Variants in PPM1E observed in about 807,000 individuals in gnomAD.
PPM1E encodes protein phosphatase, Mg2+/Mn2+ dependent 1E.
Under a neutral mutation model 65.9 loss-of-function variants are expected in PPM1E, and 20 were observed. That is an observed-to-expected ratio of 0.30 (90% confidence interval 0.21 to 0.44). The LOEUF is 0.44. Among genes scored for constraint, PPM1E ranks in the 20% least tolerant of loss-of-function variants. The probability of loss-of-function intolerance (pLI) is 1.00; values close to 1 mark genes in which losing one functional copy is unlikely to be tolerated. For synonymous variants in PPM1E, 352 were observed against 374.9 expected (o/e 0.94, Z 0.70); for missense variants, 713 against 953.1 (o/e 0.75, Z 3.32).
chr17:58,808,758 C>T (rs2050338365), intron 1 of PPM1E, among the ~76,000 whole-genome samples: 1 of 151,974 alleles, frequency 6.6e-6, no homozygotes. Context: ...ATTTCTGTCA[C>T]CCTAAAAAGA....
chr17:58,780,131 G>A (rs1390157306), intron 1 of PPM1E, among the ~76,000 whole-genome samples: 2 of 152,182 alleles, frequency 1.3e-5, no homozygotes, highest in African/African-American at 4.8e-5. Context: ...GAAATATAGG[G>A]TATGCATGCT....
chr17:58,879,402 CT>C, intron 1 of PPM1E, among the ~76,000 whole-genome samples: 1 of 150,212 alleles, frequency 6.7e-6, no homozygotes, highest in East Asian at 1.9e-4. Flanking sequence ...GTGTGTACCA[CT>C]GTGCTTGGCC....
At position 58,854,430 on chromosome 17, in the gene PPM1E, G is replaced by A. The variant is rs554207199; in HGVS notation, c.464+97969G>A. Reference sequence around the variant, plus strand: ...TTTTCTTGCCTAATTTCTCTGACTAGTACTTCTAGCACTCTGTAGAATAGA... The same window carrying A: ...TTTTCTTGCCTAATTTCTCTGACTAATACTTCTAGCACTCTGTAGAATAGA... On this transcript the variant is annotated intron_variant, in intron 1 of 6. Coordinates refer to ENST00000308249, the MANE Select transcript of PPM1E (RefSeq NM_014906.5). 9.2e-5 allele frequency among the ~76,000 whole-genome samples: 14 copies of A among 152,212 alleles called. No individual in the cohort carries two copies. In the East Asian group the frequency reaches 2.5e-3, roughly 27 times the overall value.
intron 1 of PPM1E, among the ~76,000 whole-genome samples, chr17:58,918,217 G>A (rs1298774724): frequency 6.6e-6 from 1 of 152,206 alleles, no homozygotes; most frequent in African/African-American, 2.4e-5. Flanking sequence ...AAAAGAATAA[G>A]AGGGTAATTA....
At chr17:58,958,927 G>A (rs1315438840) in intron 2 of PPM1E, among the ~76,000 whole-genome samples, 1 of 151,940 alleles carries the variant, frequency 6.6e-6, no homozygotes, top group East Asian at 1.9e-4. Flanking sequence ...GGAAAAAGAA[G>A]GAAAATTTGC....
At chr17:58,977,719 G>T (rs867841320) in intron 6 of PPM1E, among the ~76,000 whole-genome samples, 2 of 152,142 alleles carry the variant, frequency 1.3e-5, no homozygotes, top group Non-Finnish European at 2.9e-5. Context: ...CCTATTTGAG[G>T]ATTAAACAGG....
intron 1 of PPM1E, among the ~76,000 whole-genome samples, chr17:58,809,608 TCC>T (rs1389201995): frequency 6.6e-6 from 1 of 152,112 alleles, no homozygotes; most frequent in Non-Finnish European, 1.5e-5. Flanking sequence ...GGTCTCAAAC[TCC>T]TGGGCTCAAG....
chr17:58,978,948 C>G (rs2143809099), intron 6 of PPM1E, among the ~76,000 whole-genome samples: 1 of 152,266 alleles, frequency 6.6e-6, no homozygotes, highest in Non-Finnish European at 1.5e-5. Context: ...GCTCCTACCC[C>G]AAGCACCCTA....
At chr17:58,968,090 C>T (rs1414914772) in intron 3 of PPM1E, among the ~76,000 whole-genome samples, 1 of 152,130 alleles carries the variant, frequency 6.6e-6, no homozygotes, top group African/African-American at 2.4e-5. Context: ...GTGTGAGCCA[C>T]CGCACCCGGC....
chr17:58,876,824 G>A (rs926933042), intron 1 of PPM1E, among the ~76,000 whole-genome samples: 6 of 151,814 alleles, frequency 4.0e-5, no homozygotes, highest in Admixed American at 1.3e-4. Flanking sequence ...GGCCCTGTCC[G>A]CCAGGCTGGA....
At chr17:58,796,686 A>G (rs762168657) in intron 1 of PPM1E, among the ~76,000 whole-genome samples, 1 of 152,240 alleles carries the variant, frequency 6.6e-6, no homozygotes, top group African/African-American at 2.4e-5. Context: ...AATTGTAGGC[A>G]TTGAACAGTG....
intron 1 of PPM1E, among the ~76,000 whole-genome samples, chr17:58,869,195 A>G (rs560211603): frequency 6.6e-6 from 1 of 152,264 alleles, no homozygotes; most frequent in Non-Finnish European, 1.5e-5. Context: ...AGTTATAGGA[A>G]GTATCATTTT....
chr17:58,851,068 G>A (rs1003790763), intron 1 of PPM1E, among the ~76,000 whole-genome samples: 9 of 151,980 alleles, frequency 5.9e-5, no homozygotes, highest in African/African-American at 7.2e-5. Context: ...TGATCAAATC[G>A]GCTACCGAAG....
chr17:58,980,009 G>C lies in PPM1E; in HGVS notation c.1246G>C (p.Ala416Pro). The part of the protein sequence containing the change: ...AEHKPYICGD[A>P]DSASTVLDGT... ...ACATAAGCCATATATCTGTGGGGAT[G>C]CAGATTCTGCCTCCACTGTTCTGGA... is the stretch of plus-strand genomic sequence containing the variant. Residue 416 changes from alanine to proline, a missense_variant, in exon 7 of 7, where the codon GCA becomes CCA. Physicochemically the swap from Ala to Pro is conservative, Grantham distance 27. Around this residue, in one of 6 missense-constraint regions of PPM1E, gnomAD observed 88 missense variants for 231.1 expected, o/e 0.38. Transcript: ENST00000308249. The surrounding 1 kb of genome is among the most constrained non-coding windows in gnomAD (Gnocchi z 4.7). 5 of 1,614,038 alleles carry C rather than the reference G, an allele frequency of 3.1e-6. No homozygotes were observed. Among genetic ancestry groups the C allele is most frequent in the Non-Finnish European group, 4.2e-6 (5 of 1,179,958 alleles).
chr17:58,964,307 C>T (rs1388640920), intron 2 of PPM1E, among the ~76,000 whole-genome samples: 1 of 152,008 alleles, frequency 6.6e-6, no homozygotes, highest in Non-Finnish European at 1.5e-5. Context: ...CTGAGAAAAC[C>T]TAATCTCTCT....
Position 58,959,090 on chromosome 17 carries a change from C to T in PPM1E, c.583+3323C>T, listed in dbSNP as rs564024811. ...TTGGGAGGCCGAGGCAGGCAGATCA[C>T]CTGAGGTTGGGAGTTCGAGACCAGC... On this transcript the variant is annotated intron_variant, in intron 2 of 6. Coordinates refer to ENST00000308249, the MANE Select transcript of PPM1E (RefSeq NM_014906.5). 1.1e-4 allele frequency among the ~76,000 whole-genome samples: 16 copies of T among 152,022 alleles called. No homozygotes were observed. In the East Asian group the frequency reaches 2.5e-3, roughly 24 times the overall value.
chr17:58,864,824 T>C (rs1177862128), intron 1 of PPM1E, among the ~76,000 whole-genome samples: 5 of 151,576 alleles, frequency 3.3e-5, no homozygotes, highest in Non-Finnish European at 4.4e-5. Flanking sequence ...TAGTCCCAGC[T>C]ACTAGGGAGG....
chr17:58,787,352 C>G (rs1598570835), intron 1 of PPM1E, among the ~76,000 whole-genome samples: 1 of 151,940 alleles, frequency 6.6e-6, no homozygotes, highest in Non-Finnish European at 1.5e-5. Context: ...GACTTAAGTA[C>G]TAATGCATTA....
chr17:58,929,234 T>C (rs1409370020), intron 1 of PPM1E, among the ~76,000 whole-genome samples: 1 of 152,152 alleles, frequency 6.6e-6, no homozygotes. Flanking sequence ...AATCCATTCA[T>C]ACGAAGTTCA....
Sources: gnomAD v4.1 joint callset for allele counts (sites outside exome capture counted in the v4.1 genomes callset) on GRCh38, gnomAD v4.1.1 for gene constraint, gnomAD v4.1.1 regional missense constraint, Gnocchi (gnomAD v3.1) non-coding constraint, MANE v1.5 for transcripts, NCBI Gene and HGNC (gene_info 2026-07-23, HGNC 2026-07-21) for gene names.